LRP5: variants seen among roughly 807,000 people sequenced by gnomAD.
LRP5 encodes the protein low-density lipoprotein receptor-related protein 5.
A neutral mutation model predicts 154.1 loss-of-function variants in LRP5; 62 were observed. The ratio of observed to expected loss-of-function variants is 0.40; its 90% CI spans 0.33 to 0.50. LRP5 has a LOEUF of 0.50. Among genes scored for constraint, LRP5 ranks in the 20% least tolerant of loss-of-function variants. The pLI, the probability that LRP5 is intolerant of heterozygous loss-of-function variation, is 0.55. For missense variants in LRP5, 1,915 were observed against 2,336.7 expected (o/e 0.82, Z 3.72); for synonymous variants, 966 against 1,011.5 (o/e 0.96, Z 0.85).
At chr11:68,382,006 C>T (rs1035805914) in intron 5 of LRP5, among the ~76,000 whole-genome samples, 3 of 152,264 alleles carry the variant, frequency 2.0e-5, no homozygotes, top group Non-Finnish European at 4.4e-5. Context: ...CTGGGGTCAC[C>T]TCTGTGCTGG....
intron 6 of LRP5, among the ~76,000 whole-genome samples, chr11:68,389,118 A>AC (rs1461732739): frequency 2.4e-4 from 35 of 147,736 alleles, no homozygotes; most frequent in African/African-American, 8.5e-4. Context: ...ATCTACCAAC[A>AC]CCAACATTTA....
At chr11:68,322,382 A>G (rs2098597242) in intron 1 of LRP5, among the ~76,000 whole-genome samples, 1 of 152,146 alleles carries the variant, frequency 6.6e-6, no homozygotes, top group Admixed American at 6.5e-5. Flanking sequence ...CCCTTTGCCC[A>G]TTTATCTTAT....
chr11:68,386,503 C>T lies in LRP5; in HGVS notation c.1203C>T (p.Tyr401=). ...DDEVRAIRRA[Y]LDGSGAQTLV... is the part of the protein sequence containing the mutation. ...AGGTGCGGGCCATCCGCAGGGCGTA[C>T]CTGGACGGGTCTGGGGCGCAGACGC... The change falls in exon 6 of 23, where the codon TAC becomes TAT. Residue 401 remains tyrosine, a synonymous_variant. Coordinates refer to ENST00000294304, the MANE Select transcript of LRP5 (RefSeq NM_002335.4). The surrounding 1 kb of genome is among the most constrained non-coding windows in gnomAD (Gnocchi z 7.9). 1 of 1,614,084 alleles carries T rather than the reference C, an allele frequency of 6.2e-7. No homozygotes were observed. The highest frequency in any genetic ancestry group is 8.5e-7 in the Non-Finnish European group (1 of 1,180,008).
At chr11:68,318,059 A>ATT (rs575016540) in intron 1 of LRP5, among the ~76,000 whole-genome samples, 1 of 144,924 alleles carries the variant, frequency 6.9e-6, no homozygotes, top group Non-Finnish European at 1.5e-5. Flanking sequence ...TTGAGATTTA[A>ATT]TTTTTTTTTT....
intron 13 of LRP5, among the ~76,000 whole-genome samples, chr11:68,422,656 G>A (rs1018661670): frequency 6.6e-6 from 1 of 152,082 alleles, no homozygotes; most frequent in South Asian, 2.1e-4. Context: ...GTGTGGAGAC[G>A]GAGAGTCCTT....
rs140197409 is a variant in LRP5, at chr11:68,350,891, C to CGTGT, written c.488+2662_488+2665dup. Among the ~76,000 whole-genome samples the CGTGT allele has an allele frequency of 5.3e-5, 8 of 150,772 alleles. No homozygotes were observed. The East Asian group carries it at 1.6e-3, about 29-fold the overall frequency. ...GAGTGTGGGAGTGGGAGGATGTGAG[C>CGTGT]GTGTGTGTGTGTGTGTGCGTGTGCA... On this transcript the variant is annotated intron_variant, in intron 2 of 22. Coordinates refer to ENST00000294304, the MANE Select transcript of LRP5 (RefSeq NM_002335.4).
At chr11:68,356,427 G>T (rs971307428) in intron 2 of LRP5, among the ~76,000 whole-genome samples, 8 of 152,044 alleles carry the variant, frequency 5.3e-5, no homozygotes, top group African/African-American at 1.9e-4. Flanking sequence ...GCAAGCCATC[G>T]TGCCTGGCCA....
chr11:68,411,312 T>C lies in LRP5; in HGVS notation c.2319-124T>C, dbSNP rs2098659322. 3 of 1,003,214 alleles carry C rather than the reference T, an allele frequency of 3.0e-6. No homozygotes were observed. In the South Asian group the frequency reaches 4.5e-5, roughly 15 times the overall value. The allele number at this position is 1,003,214 out of a possible 1,614,324, so 62.1% of individuals were successfully genotyped here. A position where few individuals can be genotyped will look rare whatever the true frequency, so the allele number is the denominator to read the frequency against. ...CTCGCCCTTCCCTGCTTCCTGCGCGTGGCTTTCTCCAGGACGGGGAGGGCT... is the reference window on the plus strand; with the variant it reads ...CTCGCCCTTCCCTGCTTCCTGCGCGCGGCTTTCTCCAGGACGGGGAGGGCT... On this transcript the variant is annotated intron_variant, in intron 10 of 22. Coordinates refer to ENST00000294304, the MANE Select transcript of LRP5 (RefSeq NM_002335.4).
chr11:68,401,725 G>A (rs2098652720), intron 7 of LRP5, among the ~76,000 whole-genome samples: 1 of 151,972 alleles, frequency 6.6e-6, no homozygotes, highest in South Asian at 2.1e-4. Flanking sequence ...ATCTCACCCT[G>A]TCACCCAGGC....
At chr11:68,352,710 TTTGA>T (rs1036306107) in intron 2 of LRP5, among the ~76,000 whole-genome samples, 26 of 143,250 alleles carry the variant, frequency 1.8e-4, no homozygotes, top group African/African-American at 6.1e-4. Context: ...TTGGGAGGTA[TTTGA>T]TTGGGAGGTG....
In LRP5 at chr11:68,416,693, T is replaced by G. The variant is rs1475949493; in HGVS notation, c.3027+166T>G. ...GTAGTCACAGGGTATGACCCTGAGA[T>G]GCGTGGAACCCCGAGACTGTGATTA... On this transcript the variant is annotated intron_variant, in intron 13 of 22. Transcript: ENST00000294304. Among the ~76,000 whole-genome samples the G allele has an allele frequency of 3.3e-5, 5 of 152,178 alleles. No individual in the cohort carries two copies. The East Asian group carries it at 9.6e-4, about 29-fold the overall frequency.
intron 7 of LRP5, among the ~76,000 whole-genome samples, chr11:68,399,615 T>C (rs1176884485): frequency 6.6e-6 from 1 of 152,238 alleles, no homozygotes; most frequent in African/African-American, 2.4e-5. Context: ...CTGTTTTGGC[T>C]CTGTTCCCTC....
upstream of LRP5, among the ~76,000 whole-genome samples, chr11:68,311,084 GAAGTGT>G (rs2098587502): frequency 2.0e-5 from 3 of 152,190 alleles, no homozygotes; most frequent in Admixed American, 2.0e-4. Flanking sequence ...GGCAGTAGTA[GAAGTGT>G]AAGAAGAGCT....
At chr11:68,439,480 C>T (rs1013750980) in intron 20 of LRP5, among the ~76,000 whole-genome samples, 4 of 152,200 alleles carry the variant, frequency 2.6e-5, no homozygotes, top group Admixed American at 2.0e-4. Context: ...CCAGAGAACG[C>T]GGCCCTGTCT....
At chr11:68,346,130 C>T (rs951741337) in intron 1 of LRP5, among the ~76,000 whole-genome samples, 1 of 152,212 alleles carries the variant, frequency 6.6e-6, no homozygotes, top group Non-Finnish European at 1.5e-5. Flanking sequence ...TGCCTTTTTA[C>T]TCTCTCGATA....
In LRP5 at chr11:68,403,503, G is replaced by A. The variant is rs141896162; in HGVS notation, c.1605G>A (p.Thr535=). ...TGCAGGTGATCAATGTTGATGGGAC[G>A]AAGAGGCGGACCCTCCTGGAGGACA... ...DKIEVINVDG[T]KRRTLLEDKL... is the part of the protein sequence containing the mutation. Residue 535 remains threonine, a synonymous_variant, in exon 8 of 23, where the codon ACG becomes ACA. Coordinates refer to ENST00000294304, the MANE Select transcript of LRP5 (RefSeq NM_002335.4). 2.0e-4 allele frequency: 323 copies of A among 1,614,110 alleles called. No homozygotes were observed. The highest frequency in any genetic ancestry group is 6.0e-4 in the Admixed American group (36 of 60,024).
intron 19 of LRP5, 71 bp downstream of exon 19, chr11:68,437,070 G>A: frequency 7.6e-7 from 1 of 1,314,226 alleles, no homozygotes; most frequent in Admixed American, 1.7e-5. Context: ...GTTTAGGGGA[G>A]GAGACGTGCC....
chr11:68,328,298 C>T (rs1159038620), intron 1 of LRP5, among the ~76,000 whole-genome samples: 1 of 152,132 alleles, frequency 6.6e-6, no homozygotes, highest in African/African-American at 2.4e-5. Context: ...TTTTGTAGAG[C>T]GATGATAAAT....
chr11:68,374,213 C>T (rs917941222), intron 5 of LRP5, among the ~76,000 whole-genome samples: 1 of 152,238 alleles, frequency 6.6e-6, no homozygotes, highest in African/African-American at 2.4e-5. Context: ...CAAAGCCCCT[C>T]ACGTCCCTCC....
Sources: allele counts gnomAD v4.1 joint callset (sites outside exome capture counted in the v4.1 genomes callset), GRCh38; gene constraint gnomAD v4.1.1; non-coding constraint Gnocchi (gnomAD v3.1); transcripts MANE v1.5; gene names NCBI Gene and HGNC (gene_info 2026-07-23, HGNC 2026-07-21).